GPALPP1: variants seen among roughly 807,000 people sequenced by gnomAD.
The protein encoded by GPALPP1 is GPALPP motifs-containing protein 1.
Under a neutral mutation model 38.9 loss-of-function variants are expected in GPALPP1, and 30 were observed. That is an observed-to-expected ratio of 0.77 (90% CI 0.58 to 1.05). The LOEUF (loss-of-function observed/expected upper bound fraction) is 1.05, where lower values mean the gene tolerates loss of function less well. Ranked by LOEUF, GPALPP1 falls within the 50% of genes least tolerant of loss-of-function variation. The probability of loss-of-function intolerance (pLI) is 0.00; values close to 1 mark genes in which losing one functional copy is unlikely to be tolerated. For missense variants in GPALPP1, 384 were observed against 408.8 expected (o/e 0.94, Z 0.52); for synonymous variants, 120 against 139.2 (o/e 0.86, Z 0.97).
chr13:45,013,458 A>T (rs961430555), intron 4 of GPALPP1, among the ~76,000 whole-genome samples: 1 of 152,240 alleles, frequency 6.6e-6, no homozygotes, highest in African/African-American at 2.4e-5. Flanking sequence ...AAATTGTGTC[A>T]TGTCCATGCC....
intron 1 of GPALPP1, among the ~76,000 whole-genome samples, chr13:45,003,870 A>AT (rs80086402): frequency 4.0e-4 from 59 of 146,302 alleles, no homozygotes; most frequent in African/African-American, 6.0e-4. Context: ...GCCAGGAAAG[A>AT]TTTTTTTTTT....
chr13:45,025,891 C>T (rs1875797669), intron 7 of GPALPP1, among the ~76,000 whole-genome samples: 1 of 152,072 alleles, frequency 6.6e-6, no homozygotes, highest in East Asian at 1.9e-4. Context: ...CCTGCCTCAG[C>T]CTCCAAGTAG....
intron 4 of GPALPP1, among the ~76,000 whole-genome samples, chr13:45,011,822 A>G (rs1447252065): frequency 6.6e-6 from 1 of 152,186 alleles, no homozygotes; most frequent in East Asian, 1.9e-4. Context: ...GCTAAGTACG[A>G]GGACTCCTTT....
At chr13:45,003,721 C>T (rs1873855950) in intron 1 of GPALPP1, among the ~76,000 whole-genome samples, 2 of 152,140 alleles carry the variant, frequency 1.3e-5, no homozygotes, top group South Asian at 4.1e-4. Flanking sequence ...TACCACTCTC[C>T]CTAACATCCC....
intron 1 of GPALPP1, among the ~76,000 whole-genome samples, chr13:44,997,340 A>G (rs1321757664): frequency 6.6e-6 from 1 of 152,116 alleles, no homozygotes; most frequent in East Asian, 1.9e-4. Context: ...CTGAAAATTG[A>G]CTGCTGGAAA....
chr13:45,031,847 G>C (rs1169330855), downstream of GPALPP1: 2 of 152,186 alleles, frequency 1.3e-5, no homozygotes, highest in Non-Finnish European at 2.9e-5. Flanking sequence ...CATCTGGCAG[G>C]AGACATTTTA....
rs1274875355 is a variant in GPALPP1 at position 45,020,395 on chromosome 13, T to TA, written c.773dup (p.Arg259GlufsTer4). 1 of 1,510,078 alleles carries TA rather than the reference T, an allele frequency of 6.6e-7. No individual in the cohort carries two copies. Among genetic ancestry groups the TA allele is most frequent in the Non-Finnish European group, 9.2e-7 (1 of 1,086,242 alleles). The allele number at this position is 1,510,078 out of a possible 1,614,324, so 93.5% of individuals were successfully genotyped here. ...AAGAACATATATTATCAGGAAGAGA[T>TA]AAGAGACTGGCTGAGCAGGTATCTT... is the stretch of plus-strand genomic sequence containing the variant. On this transcript the variant is annotated frameshift_variant, in exon 7 of 8. Coordinates refer to ENST00000379151, the MANE Select transcript of GPALPP1 (RefSeq NM_018559.5). LOFTEE classifies it high-confidence loss of function.
chr13:45,018,350 T>C (rs1210282965), intron 6 of GPALPP1, among the ~76,000 whole-genome samples: 5 of 151,512 alleles, frequency 3.3e-5, no homozygotes, highest in Non-Finnish European at 7.4e-5. Flanking sequence ...TGAGCCGAGA[T>C]TGTGCCACTG....
chr13:45,002,721 C>T (rs1371392132), intron 1 of GPALPP1, among the ~76,000 whole-genome samples: 1 of 152,174 alleles, frequency 6.6e-6, no homozygotes, highest in Non-Finnish European at 1.5e-5. Context: ...CAGAGTCTGC[C>T]TCCAAAGCAA....
intron 1 of GPALPP1, 149 bp downstream of exon 1, chr13:44,989,891 A>C: frequency 1.6e-6 from 1 of 615,880 alleles, no homozygotes; most frequent in Non-Finnish European, 2.9e-6. Context: ...CTTCCCAAAC[A>C]GTAGCAGGGG....
At chr13:44,998,768 G>A (rs1873468124) in intron 1 of GPALPP1, among the ~76,000 whole-genome samples, 1 of 152,110 alleles carries the variant, frequency 6.6e-6, no homozygotes, top group Non-Finnish European at 1.5e-5. Context: ...CATGTCATGG[G>A]GTCAGCAAAC....
downstream of GPALPP1, chr13:45,030,764 G>C (rs2138026454): frequency 6.6e-6 from 1 of 152,272 alleles, no homozygotes; most frequent in African/African-American, 2.4e-5. Flanking sequence ...TTGTTTATAT[G>C]ATGGTACAAA....
At chr13:45,005,086 C>CTTTTTTTTTTTTTTTTTTTTTTTT (rs71759613) in intron 2 of GPALPP1, 1 of 57,482 alleles carries the variant, frequency 1.7e-5, no homozygotes, top group Non-Finnish European at 3.2e-5. Context: ...TAATGGTTTT[C>CTTTTTTTTTTTTTTTTTTTTTTTT]TTTTTTTTTT....
chr13:45,021,745 T>C (rs1483946071), intron 7 of GPALPP1, among the ~76,000 whole-genome samples: 1 of 151,806 alleles, frequency 6.6e-6, no homozygotes, highest in African/African-American at 2.4e-5. Flanking sequence ...ATGACAAAAA[T>C]ACAACATATC....
At chr13:45,014,818 T>A in intron 4 of GPALPP1, 134 bp from the exon 5 acceptor site, 1 of 662,208 alleles carries the variant, frequency 1.5e-6, no homozygotes, top group Non-Finnish European at 2.4e-6. Flanking sequence ...GGTTCAGTGA[T>A]GAGCCAGCAA....
At chr13:45,025,843 C>T (rs990684671) in intron 7 of GPALPP1, among the ~76,000 whole-genome samples, 1 of 151,670 alleles carries the variant, frequency 6.6e-6, no homozygotes, top group Admixed American at 6.6e-5. Flanking sequence ...ATGATCTTGG[C>T]TTACCGCAAC....
At chr13:45,005,081 G>GTTTT (rs1458040732) in intron 2 of GPALPP1, 1 of 111,818 alleles carries the variant, frequency 8.9e-6, no homozygotes, top group African/African-American at 3.6e-5. Flanking sequence ...TAAACTAATG[G>GTTTT]TTTTCTTTTT....
chr13:45,000,653 A>G (rs549107099), intron 1 of GPALPP1, among the ~76,000 whole-genome samples: 1 of 152,374 alleles, frequency 6.6e-6, no homozygotes, highest in African/African-American at 2.4e-5. Context: ...AGGAAAAAAC[A>G]TATCTTCCCT....
intron 6 of GPALPP1, among the ~76,000 whole-genome samples, chr13:45,018,954 C>CATATAAAT (rs1243243778): frequency 3.0e-5 from 2 of 67,636 alleles, no homozygotes; most frequent in South Asian, 5.2e-4. Context: ...AATATATATA[C>CATATAAAT]ATATAAATAT....
Sources: allele counts gnomAD v4.1 joint callset (sites outside exome capture counted in the v4.1 genomes callset), GRCh38; gene constraint gnomAD v4.1.1; transcripts MANE v1.5; gene names NCBI Gene and HGNC (gene_info 2026-07-23, HGNC 2026-07-21).